KYNU: variants seen among roughly 807,000 people sequenced by gnomAD.
The protein encoded by KYNU is L-kynurenine hydrolase.
A neutral mutation model predicts 59.2 loss-of-function variants in KYNU; 54 were observed. The ratio of observed to expected loss-of-function variants is 0.91; its 90% CI spans 0.73 to 1.14. KYNU has a LOEUF of 1.14. Ranked by LOEUF, KYNU falls within the 50% of genes most tolerant of loss-of-function variation. The probability of loss-of-function intolerance (pLI) is 0.00; values close to 1 mark genes in which losing one functional copy is unlikely to be tolerated. For synonymous variants in KYNU, 177 were observed against 192.0 expected (o/e 0.92, Z 0.65); for missense variants, 567 against 554.4 (o/e 1.02, Z -0.23).
At chr2:143,014,920 G>T (rs1350386562) in intron 10 of KYNU, among the ~76,000 whole-genome samples, 3 of 152,136 alleles carry the variant, frequency 2.0e-5, no homozygotes, top group Admixed American at 2.0e-4. Context: ...TAGAGACAGG[G>T]TCTGGCTCCG....
chr2:143,012,456 C>G (rs1686133282), intron 10 of KYNU, among the ~76,000 whole-genome samples: 1 of 147,138 alleles, frequency 6.8e-6, no homozygotes, highest in African/African-American at 2.6e-5. Flanking sequence ...GCACTCCAGC[C>G]TGGATGACAT....
intron 8 of KYNU, among the ~76,000 whole-genome samples, chr2:142,975,957 A>G (rs1288246734): frequency 6.6e-6 from 1 of 152,048 alleles, no homozygotes; most frequent in Non-Finnish European, 1.5e-5. Context: ...ACACTCCCTT[A>G]TTGGATTTCT....
intron 8 of KYNU, among the ~76,000 whole-genome samples, chr2:142,980,137 T>C (rs540937008): frequency 2.6e-4 from 39 of 152,182 alleles, no homozygotes; most frequent in Non-Finnish European, 5.0e-4. Context: ...GATGTTTTCA[T>C]GGCATTTGTA....
chr2:143,036,083 G>A (rs559895187), intron 12 of KYNU, among the ~76,000 whole-genome samples: 2 of 152,002 alleles, frequency 1.3e-5, no homozygotes, highest in Non-Finnish European at 2.9e-5. Flanking sequence ...TTTTAGAGAT[G>A]AGGTCTGGCT....
In KYNU at chr2:143,009,834, G is replaced by A. The variant is rs1401178238; in HGVS notation, c.903-19793G>A. 3.0e-4 allele frequency among the ~76,000 whole-genome samples: 37 copies of A among 121,328 alleles called. 4 individuals carry two copies. The highest frequency in any genetic ancestry group is 1.3e-3 in the African/African-American group (34 of 26,954). 79.6% of individuals were successfully genotyped at this position (121,328 alleles called of 152,430 possible). ...CCACATGATTATCTCAATAGATGCC[G>A]AAAAAGCCTTTGACAAAATTCAACA... On this transcript the variant is annotated intron_variant, in intron 10 of 13. Transcript: ENST00000264170.
rs138900633 is a variant in KYNU at position 143,014,955 on chromosome 2, G to A, written c.903-14672G>A. 8.5e-5 allele frequency among the ~76,000 whole-genome samples: 13 copies of A among 152,268 alleles called. No homozygotes were observed. In the East Asian group the frequency reaches 1.9e-3, roughly 23 times the overall value. On this transcript the variant is annotated intron_variant, in intron 10 of 13. Transcript: ENST00000264170. The stretch of plus-strand genomic sequence containing the variant: ...GTCACCCAGGCCGGAGTGCAGTGGC[G>A]TGATCATAGATCACTGTAATCTTGA...
rs963296298 is a variant in KYNU, at chr2:142,894,028, G to A, written c.169+8492G>A. On this transcript the variant is annotated intron_variant, in intron 2 of 13. Coordinates refer to ENST00000264170, the MANE Select transcript of KYNU (RefSeq NM_003937.3). ...TTCACCTTTGCCTGGGACAATGTTTGGTCTTTTCTGTCTTGCCATATGAAC... is the reference window on the plus strand; with the variant it reads ...TTCACCTTTGCCTGGGACAATGTTTAGTCTTTTCTGTCTTGCCATATGAAC... Among the ~76,000 whole-genome samples, 9 of 152,202 alleles carry A rather than the reference G, an allele frequency of 5.9e-5. No homozygotes were observed. The South Asian group carries it at 1.9e-3, about 32-fold the overall frequency.
chr2:142,957,655 A>G lies in KYNU; in HGVS notation c.522A>G (p.Ser174=), dbSNP rs773241505. The part of the protein sequence containing the change: ...AFPSDHYAIE[S]QLQLHGLNIE... Reference sequence around the variant, plus strand: ...TTCCTTTTTAGTATGCTATTGAGTCACAACTACAACTTCACGGACTTAACA... The same window carrying G: ...TTCCTTTTTAGTATGCTATTGAGTCGCAACTACAACTTCACGGACTTAACA... Residue 174 remains serine (S), a synonymous_variant, in exon 7 of 14, where the codon TCA becomes TCG. Coordinates refer to ENST00000264170, the MANE Select transcript of KYNU (RefSeq NM_003937.3). 1 of 1,602,520 alleles carries G rather than the reference A, an allele frequency of 6.2e-7. No homozygotes were observed. Among genetic ancestry groups the G allele is most frequent in the Non-Finnish European group, 8.5e-7 (1 of 1,169,992 alleles).
chr2:142,889,544 C>T (rs1309570667), intron 2 of KYNU, among the ~76,000 whole-genome samples: 1 of 125,056 alleles, frequency 8.0e-6, no homozygotes, highest in Non-Finnish European at 1.6e-5. Flanking sequence ...ATCAGAAAGA[C>T]CTTGTTTCTG....
chr2:142,968,702 C>CTAG (rs1684621508), intron 8 of KYNU, among the ~76,000 whole-genome samples: 2 of 151,968 alleles, frequency 1.3e-5, no homozygotes. Flanking sequence ...TTGCGTGAGC[C>CTAG]TAGGAGTTCG....
intron 10 of KYNU, among the ~76,000 whole-genome samples, chr2:143,013,428 A>G (rs1686170100): frequency 1.3e-5 from 2 of 152,082 alleles, no homozygotes; most frequent in African/African-American, 4.8e-5. Context: ...AGATATCTTT[A>G]CAAGGTGCTG....
intron 3 of KYNU, among the ~76,000 whole-genome samples, chr2:142,922,156 C>G (rs1225538090): frequency 6.6e-6 from 1 of 152,152 alleles, no homozygotes; most frequent in Non-Finnish European, 1.5e-5. Context: ...TTATTAAATA[C>G]TACAATGCAC....
rs370592858 is a variant in KYNU, at chr2:142,960,620, T to G, written c.583-4T>G. Reference sequence around the variant, plus strand: ...TGACCTAACTTGTGCCTAACTTGATTTAGGGGGAAGAAACCTTAAGAATAG... The same window carrying G: ...TGACCTAACTTGTGCCTAACTTGATGTAGGGGGAAGAAACCTTAAGAATAG... On this transcript the variant is annotated splice_region_variant and splice_polypyrimidine_tract_variant and intron_variant, in intron 7 of 13. Transcript: ENST00000264170. 3.7e-6 allele frequency: 6 copies of G among 1,612,786 alleles called. No individual in the cohort carries two copies. In the African/African-American group the frequency reaches 6.7e-5, roughly 18 times the overall value.
At chr2:143,030,381 A>T (rs1323375879) in intron 11 of KYNU, among the ~76,000 whole-genome samples, 1 of 152,228 alleles carries the variant, frequency 6.6e-6, no homozygotes, top group Non-Finnish European at 1.5e-5. Context: ...ATGCAGAAAG[A>T]TCATACGTGC....
At chr2:142,918,576 T>C in intron 2 of KYNU, 33 bp from the exon 3 acceptor site, 1 of 1,395,954 alleles carries the variant, frequency 7.2e-7, no homozygotes, top group African/African-American at 1.8e-5. Context: ...GCTTTTATTT[T>C]TTTTTTTTTT....
At chr2:142,934,166 A>G (rs1558929914) in intron 4 of KYNU, among the ~76,000 whole-genome samples, 1 of 152,096 alleles carries the variant, frequency 6.6e-6, no homozygotes. Context: ...AGGAGGCGAA[A>G]ATGATAGGCT....
At chr2:143,029,117 A>C (rs190713037) in intron 10 of KYNU, among the ~76,000 whole-genome samples, 1 of 152,338 alleles carries the variant, frequency 6.6e-6, no homozygotes, top group East Asian at 1.9e-4. Flanking sequence ...CATTTCACAC[A>C]AAAATAATAA....
intron 4 of KYNU, among the ~76,000 whole-genome samples, chr2:142,948,383 T>A (rs1024911273): frequency 6.6e-6 from 1 of 152,208 alleles, no homozygotes; most frequent in Non-Finnish European, 1.5e-5. Context: ...TCAAACTTTC[T>A]CCATATCAGC....
At chr2:142,920,479 C>T (rs1573791670) in intron 3 of KYNU, among the ~76,000 whole-genome samples, 1 of 152,140 alleles carries the variant, frequency 6.6e-6, no homozygotes, top group Non-Finnish European at 1.5e-5. Flanking sequence ...TTCTGCCCTG[C>T]TATTCTATTC....
Sources: allele counts gnomAD v4.1 joint callset (sites outside exome capture counted in the v4.1 genomes callset), GRCh38; gene constraint gnomAD v4.1.1; transcripts MANE v1.5; gene names NCBI Gene and HGNC (gene_info 2026-07-23, HGNC 2026-07-21).